Variants in LTF observed in about 807,000 individuals in gnomAD.
LTF encodes epididymis luminal protein 110.
Under a neutral mutation model 87.2 loss-of-function variants are expected in LTF, and 91 were observed. That is an observed-to-expected ratio of 1.04 (90% CI 0.88 to 1.24). The LOEUF (loss-of-function observed/expected upper bound fraction) is 1.24, where lower values mean the gene tolerates loss of function less well. Among genes scored for constraint, LTF ranks in the 50% most tolerant of loss-of-function variants. LTF has a pLI of 0.00. For missense variants in LTF, 901 were observed against 904.3 expected (o/e 1.00, Z 0.05); for synonymous variants, 378 against 356.1 (o/e 1.06, Z -0.69).
intron 14 of LTF, 53 bp downstream of exon 14, chr3:46,441,363 T>C (rs982328377): frequency 5.6e-6 from 8 of 1,432,386 alleles, no homozygotes; most frequent in Non-Finnish European, 6.8e-6. Context: ...CTAAGATGTG[T>C]TGTGATGCCA....
At chr3:46,478,287 G>A (rs552348943) in intron 1 of LTF, among the ~76,000 whole-genome samples, 2 of 152,060 alleles carry the variant, frequency 1.3e-5, no homozygotes, top group South Asian at 2.1e-4. Context: ...GCTGCGTCCC[G>A]ACTGTCAGTC....
chr3:46,445,290 A>C lies in LTF; in HGVS notation c.1504T>G (p.Cys502Gly). The change falls in exon 12 of 17, where the codon TGC becomes GGC. Residue 502 changes from cysteine to glycine, a missense_variant. Coordinates refer to ENST00000231751, the MANE Select transcript of LTF (RefSeq NM_002343.6). ...CTTTGGAACTCCTTACCAAATTTGCAGGAGCCCGTCTGGTTGAAGAGCAGG... is the reference window on the plus strand; with the variant it reads ...CTTTGGAACTCCTTACCAAATTTGCCGGAGCCCGTCTGGTTGAAGAGCAGG... Reference protein sequence around the residue: ...MGLLFNQTGSCKFDEYFSQSC... With the variant: ...MGLLFNQTGSGKFDEYFSQSC... 6.2e-7 allele frequency: 1 copy of C among 1,607,454 alleles called. No individual in the cohort carries two copies. The highest frequency in any genetic ancestry group is 8.5e-7 in the Non-Finnish European group (1 of 1,176,624).
At chr3:46,476,010 C>A (rs1215191597) in intron 1 of LTF, among the ~76,000 whole-genome samples, 4 of 152,134 alleles carry the variant, frequency 2.6e-5, no homozygotes, top group Non-Finnish European at 5.9e-5. Flanking sequence ...TCCTTTAATT[C>A]ATTTTCTAAT....
chr3:46,446,267 A>G (rs1202494801), intron 11 of LTF, among the ~76,000 whole-genome samples, 173 bp downstream of exon 11: 1 of 152,104 alleles, frequency 6.6e-6, no homozygotes, highest in Non-Finnish European at 1.5e-5. Flanking sequence ...CAATATAAAC[A>G]TTAATTAGAA....
intron 15 of LTF, among the ~76,000 whole-genome samples, chr3:46,438,930 A>G (rs1383372224): frequency 6.6e-6 from 1 of 152,078 alleles, no homozygotes; most frequent in Non-Finnish European, 1.5e-5. Flanking sequence ...AGGTTCAGGA[A>G]ATGTCACCTG....
chr3:46,461,698 A>T (rs1336859008), intron 1 of LTF, among the ~76,000 whole-genome samples: 1 of 152,252 alleles, frequency 6.6e-6, no homozygotes, highest in Non-Finnish European at 1.5e-5. Context: ...GTTCTAAAAC[A>T]GATTTATGGT....
Position 46,464,902 on chromosome 3 carries a change from C to G in LTF, c.-35G>C. On this transcript the variant is annotated 5_prime_UTR_variant, in exon 1 of 17. Transcript: ENST00000231751. ...CTGGAGGCGACTTGGCAAACGAAGG[C>G]TCTGCCACTTGCGCCTGCCCTGCGC... 6.2e-7 allele frequency: 1 copy of G among 1,611,546 alleles called. No individual in the cohort carries two copies. Among genetic ancestry groups the G allele is most frequent in the Non-Finnish European group, 8.5e-7 (1 of 1,177,858 alleles).
At chr3:46,458,863 C>G (rs1224406414) in intron 2 of LTF, among the ~76,000 whole-genome samples, 1 of 152,190 alleles carries the variant, frequency 6.6e-6, no homozygotes, top group Non-Finnish European at 1.5e-5. Flanking sequence ...CGTGAGCCAC[C>G]GCGCCCAGCC....
upstream of LTF, among the ~76,000 whole-genome samples, chr3:46,469,207 C>A (rs1210600553): frequency 6.6e-6 from 1 of 152,246 alleles, no homozygotes; most frequent in Non-Finnish European, 1.5e-5. Context: ...TGAGGTCACA[C>A]AGTGAGTGAG....
At chr3:46,453,518 C>T (rs1468413607) in intron 6 of LTF, among the ~76,000 whole-genome samples, 2 of 151,788 alleles carry the variant, frequency 1.3e-5, no homozygotes, top group African/African-American at 2.4e-5. Context: ...GTCTCTTTCT[C>T]TGGTGGTCCT....
At chr3:46,441,505 A>G (rs2106834281) in intron 13 of LTF, 22 bp from the exon 14 acceptor site, 15 of 1,568,286 alleles carry the variant, frequency 9.6e-6, no homozygotes, top group Non-Finnish European at 1.2e-5. Context: ...CAGAAAATAT[A>G]CACATAATTA....
chr3:46,456,072 G>A, intron 3 of LTF, 94 bp from the exon 4 acceptor site: 1 of 1,207,486 alleles, frequency 8.3e-7, no homozygotes, highest in Non-Finnish European at 1.1e-6. Flanking sequence ...AAGGGGGAAT[G>A]CTGTGCTGCA....
At position 46,459,769 on chromosome 3, in the gene LTF, G is replaced by T; in HGVS notation, c.94C>A (p.Gln32Lys). 1.3e-6 allele frequency: 2 copies of T among 1,533,082 alleles called. No homozygotes were observed. Among genetic ancestry groups the T allele is most frequent in the Admixed American group, 2.1e-5 (1 of 48,708 alleles). The allele number at this position is 1,533,082 out of a possible 1,614,324, so 95.0% of individuals were successfully genotyped here. A position where few individuals can be genotyped will look rare whatever the true frequency, so the allele number is the denominator to read the frequency against. ...TGGAAGCATTTTGTGGCCTCGGGTTGGGATACGGCGCACCACTGAACACTC... is the reference window on the plus strand; with the variant it reads ...TGGAAGCATTTTGTGGCCTCGGGTTTGGATACGGCGCACCACTGAACACTC... ...RRSVQWCAVS[Q>K]PEATKCFQWQ... Residue 32 changes from glutamine to lysine, a missense_variant, in exon 2 of 17, where the codon CAA becomes AAA. By Grantham distance (53) the Gln-to-Lys change is moderately conservative. Transcript: ENST00000231751.
chr3:46,455,211 T>C, intron 5 of LTF, 84 bp downstream of exon 5: 1 of 1,550,112 alleles, frequency 6.5e-7, no homozygotes, highest in Non-Finnish European at 8.9e-7. Context: ...CAGGCTGGGC[T>C]CTATGTGGGG....
In LTF at chr3:46,441,435, A is replaced by G. The variant is rs1159715878; in HGVS notation, c.1704T>C (p.Thr568=). 2.5e-6 allele frequency: 4 copies of G among 1,613,850 alleles called. No homozygotes were observed. Among genetic ancestry groups the G allele is most frequent in the Non-Finnish European group, 3.4e-6 (4 of 1,179,878 alleles). Residue 568 remains threonine (T), a synonymous_variant, in exon 14 of 17, where the codon ACT becomes ACC. Coordinates refer to ENST00000231751, the MANE Select transcript of LTF (RefSeq NM_002343.6). ...AGDVAFVKDV[T]VLQNTDGNNN... ...ACCTACCATCAGTGTTCTGCAAGAC[A>G]GTGACATCTTTCACAAATGCAACGT...
chr3:46,445,583 T>C (rs1702633871), intron 11 of LTF, 147 bp from the exon 12 acceptor site: 1 of 623,106 alleles, frequency 1.6e-6, no homozygotes, highest in Non-Finnish European at 2.8e-6. Context: ...CCTTTTTAGG[T>C]AGACCGAGAA....
Position 46,482,651 on chromosome 3 carries a change from AGAAAGAAAGAAGGAAG to A in LTF, c.-320+2319_-320+2334del, listed in dbSNP as rs1366118338. Among the ~76,000 whole-genome samples the A allele has an allele frequency of 6.2e-3, 625 of 101,180 alleles. 38 individuals carry two copies. Among genetic ancestry groups the A allele is most frequent in the Middle Eastern group, 0.015 (3 of 196 alleles). 66.4% of individuals were successfully genotyped at this position (101,180 alleles called of 152,430 possible). A position where few individuals can be genotyped will look rare whatever the true frequency, so the allele number is the denominator to read the frequency against. ...AAGAAAGAAAGAAAGAAAGAAAGAAAGAAAGAAAGAAGGAAGGAAGGAAGGAAGGAAGGAAGGAAGG... is the reference window on the plus strand; with the variant it reads ...AAGAAAGAAAGAAAGAAAGAAAGAAAGAAGGAAGGAAGGAAGGAAGGAAGG... On this transcript the variant is annotated intron_variant, in intron 1 of 19. Transcript: ENST00000443496.
In LTF at chr3:46,439,425, C is replaced by T. The variant is rs772413030; in HGVS notation, c.1779G>A (p.Leu593=). Residue 593 remains leucine, a synonymous_variant, in exon 15 of 17, where the codon CTG becomes CTA. Transcript: ENST00000231751. ...KDLKLADFAL[L]CLDGKRKPVT... is the part of the protein sequence containing the mutation. ...CAGGCTTCCGTTTGCCATCGAGGCA[C>T]AGCAGCGCAAAGTCTGCCAGCTTCA... 3.1e-6 allele frequency: 5 copies of T among 1,614,118 alleles called. No individual in the cohort carries two copies. Among genetic ancestry groups the T allele is most frequent in the Non-Finnish European group, 4.2e-6 (5 of 1,179,974 alleles).
intron 13 of LTF, 198 bp from the exon 14 acceptor site, chr3:46,441,681 G>T (rs1702516873): frequency 3.8e-6 from 2 of 522,574 alleles, no homozygotes; most frequent in South Asian, 5.8e-5. Context: ...CTATATAAAA[G>T]ACATTACAAA....
Sources: allele counts gnomAD v4.1 joint callset (sites outside exome capture counted in the v4.1 genomes callset), GRCh38; gene constraint gnomAD v4.1.1; transcripts MANE v1.5; gene names NCBI Gene and HGNC (gene_info 2026-07-23, HGNC 2026-07-21).